Variants in APBB1IP observed in about 807,000 individuals in gnomAD.
APBB1IP encodes amyloid beta A4 precursor protein-binding family B member 1-interacting protein.
Under a neutral mutation model 64.9 loss-of-function variants are expected in APBB1IP, and 27 were observed. That is an observed-to-expected ratio of 0.42 (90% CI 0.31 to 0.57). The LOEUF (loss-of-function observed/expected upper bound fraction) is 0.57, where lower values mean the gene tolerates loss of function less well. Among genes scored for constraint, APBB1IP ranks in the 20% least tolerant of loss-of-function variants. The pLI is 0.20. For synonymous variants in APBB1IP, 392 were observed against 331.0 expected, an observed-to-expected ratio of 1.18 and a Z score of -2.00; for missense variants, 812 against 845.5, an observed-to-expected ratio of 0.96 and a Z score of 0.49.
In APBB1IP at chr10:26,560,973, A is replaced by G. The variant is rs553133993; in HGVS notation, c.1369+129A>G. On this transcript the variant is annotated intron_variant, in intron 13 of 14. Transcript: ENST00000376236. The stretch of plus-strand genomic sequence containing the variant: ...AGAATATGTTTCTCACCTGATGATC[A>G]GGCTCAAACTCCCCGACTCAGCCCA... 4 of 541,584 alleles carry G rather than the reference A, an allele frequency of 7.4e-6. No homozygotes were observed. In the East Asian group the frequency reaches 9.7e-5, roughly 13 times the overall value. 33.5% of individuals were successfully genotyped at this position (541,584 alleles called of 1,614,324 possible). A position where few individuals can be genotyped will look rare whatever the true frequency, so the allele number is the denominator to read the frequency against.
intron 8 of APBB1IP, 28 bp from the exon 9 acceptor site, chr10:26,533,411 T>A: frequency 7.0e-7 from 1 of 1,432,452 alleles, no homozygotes. Context: ...GAACACTTAC[T>A]GATCTGATCT....
intron 2 of APBB1IP, among the ~76,000 whole-genome samples, chr10:26,488,025 A>T (rs1019645355): frequency 6.6e-5 from 10 of 152,180 alleles, no homozygotes; most frequent in Non-Finnish European, 1.5e-4. Flanking sequence ...CATCTGAAGG[A>T]TTCCTTTATT....
chr10:26,503,221 G>T lies in APBB1IP; in HGVS notation c.478G>T (p.Ala160Ser). The change falls in exon 6 of 15, where the codon GCT becomes TCT. Residue 160 changes from alanine (A) to serine (S), a missense_variant. Ala to Ser is a moderately conservative substitution (Grantham distance 99, BLOSUM62 1). Transcript: ENST00000376236. The stretch of plus-strand genomic sequence containing the variant: ...GGAAGAGGAAGAAGCCCAAGCCAAG[G>T]CTGATAAAATTAAGCTGGCGCTGGA... The part of the protein sequence containing the change: ...SQEEEEAQAK[A>S]DKIKLALEKL... 6.2e-7 allele frequency: 1 copy of T among 1,614,090 alleles called. No individual in the cohort carries two copies.
chr10:26,535,787 T>C (rs1027576252), intron 9 of APBB1IP, among the ~76,000 whole-genome samples: 1 of 152,210 alleles, frequency 6.6e-6, no homozygotes, highest in African/African-American at 2.4e-5. Flanking sequence ...TGGGCTATTA[T>C]TATTCCATTT....
chr10:26,454,710 C>G (rs1056804615), intron 2 of APBB1IP, among the ~76,000 whole-genome samples: 3 of 152,050 alleles, frequency 2.0e-5, no homozygotes, highest in African/African-American at 7.2e-5. Context: ...TAAAATAACT[C>G]AAAGAATATA....
At chr10:26,533,267 A>G (rs1035871800) in intron 8 of APBB1IP, among the ~76,000 whole-genome samples, 172 bp from the exon 9 acceptor site, 2 of 152,236 alleles carry the variant, frequency 1.3e-5, no homozygotes, top group African/African-American at 4.8e-5. Context: ...CTGCCTTGGC[A>G]ATGTGGTATC....
At chr10:26,535,954 C>T (rs1836617266) in intron 9 of APBB1IP, 120 bp from the exon 10 acceptor site, 2 of 1,010,206 alleles carry the variant, frequency 2.0e-6, no homozygotes, top group Admixed American at 2.6e-5. Flanking sequence ...TGCATTCGAT[C>T]AGAGTTGTAC....
intron 2 of APBB1IP, among the ~76,000 whole-genome samples, chr10:26,452,286 T>C (rs1219513375): frequency 1.3e-5 from 2 of 152,218 alleles, no homozygotes; most frequent in African/African-American, 4.8e-5. Flanking sequence ...AAGGTCTAAA[T>C]GACTTGCCCA....
At chr10:26,514,821 G>T (rs1452902675) in intron 8 of APBB1IP, among the ~76,000 whole-genome samples, 2 of 151,992 alleles carry the variant, frequency 1.3e-5, no homozygotes, top group East Asian at 3.9e-4. Flanking sequence ...AGTATTAAAA[G>T]TACAAAGTTT....
intron 14 of APBB1IP, among the ~76,000 whole-genome samples, chr10:26,564,742 G>C (rs1223876330): frequency 6.6e-6 from 1 of 152,122 alleles, no homozygotes; most frequent in Non-Finnish European, 1.5e-5. Flanking sequence ...GGTGGAGTTT[G>C]CAGTGAGGGG....
chr10:26,456,524 T>C (rs540103079), intron 2 of APBB1IP, among the ~76,000 whole-genome samples: 15 of 152,114 alleles, frequency 9.9e-5, no homozygotes, highest in African/African-American at 3.4e-4. Context: ...GTTTTGCTAC[T>C]TGAAAGAATA....
chr10:26,536,453 G>A (rs1836624611), intron 10 of APBB1IP, among the ~76,000 whole-genome samples: 1 of 152,006 alleles, frequency 6.6e-6, no homozygotes, highest in Non-Finnish European at 1.5e-5. Flanking sequence ...GATGGCAAAA[G>A]CACTTTTCTA....
intron 14 of APBB1IP, among the ~76,000 whole-genome samples, chr10:26,562,773 G>C (rs1168543845): frequency 6.6e-6 from 1 of 151,938 alleles, no homozygotes; most frequent in Non-Finnish European, 1.5e-5. Context: ...TTCCAGCCTG[G>C]GCGACAGAGT....
At chr10:26,482,256 T>C (rs1835843985) in intron 2 of APBB1IP, among the ~76,000 whole-genome samples, 1 of 152,210 alleles carries the variant, frequency 6.6e-6, no homozygotes, top group Non-Finnish European at 1.5e-5. Context: ...CTCTGTTGAG[T>C]GAATTATTTG....
chr10:26,563,309 C>T (rs1038196115), intron 14 of APBB1IP, among the ~76,000 whole-genome samples: 1 of 152,050 alleles, frequency 6.6e-6, no homozygotes, highest in African/African-American at 2.4e-5. Context: ...GCTCTGGTTG[C>T]ACCACTACAC....
At chr10:26,467,955 A>G (rs1233153994) in intron 2 of APBB1IP, among the ~76,000 whole-genome samples, 1 of 152,250 alleles carries the variant, frequency 6.6e-6, no homozygotes, top group African/African-American at 2.4e-5. Context: ...TACAACCGCT[A>G]TCACCACTTA....
intron 8 of APBB1IP, among the ~76,000 whole-genome samples, chr10:26,524,955 C>CTTT (rs56982662): frequency 0.29 from 21,427 of 74,200 alleles, 4,040 homozygotes; most frequent in Middle Eastern, 0.42. Flanking sequence ...TTCTTTCTTT[C>CTTT]TTTTTTTTTT....
intron 2 of APBB1IP, among the ~76,000 whole-genome samples, chr10:26,444,605 A>C (rs4749132): frequency 6.6e-6 from 1 of 151,736 alleles, no homozygotes; most frequent in African/African-American, 2.4e-5. Context: ...AACTAAAGTC[A>C]GCAAGTTGGA....
chr10:26,559,622 CTT>C (rs368290752), intron 11 of APBB1IP, among the ~76,000 whole-genome samples: 1,771 of 135,122 alleles, frequency 0.013, 30 homozygotes, highest in African/African-American at 0.044. Flanking sequence ...TTCTTTCTTT[CTT>C]TTTTTTTTTT....
Sources: allele counts gnomAD v4.1 joint callset (sites outside exome capture counted in the v4.1 genomes callset), GRCh38; gene constraint gnomAD v4.1.1; transcripts MANE v1.5; gene names NCBI Gene and HGNC (gene_info 2026-07-23, HGNC 2026-07-21).